DLL1: variants seen among roughly 807,000 people sequenced by gnomAD.
DLL1 encodes the protein delta like canonical Notch ligand 1.
DLL1 carries 9 observed loss-of-function variants against 75.1 expected under a neutral mutation model. The observed-to-expected ratio is 0.12, with a 90% CI of 0.07 to 0.21. The LOEUF is 0.21. Ranked by LOEUF, DLL1 falls within the 10% of genes least tolerant of loss-of-function variation. DLL1 has a pLI of 1.00. For missense variants in DLL1, 837 were observed against 1,007.6 expected (o/e 0.83, Z 2.29); for synonymous variants, 477 against 418.3 (o/e 1.14, Z -1.71).
In DLL1 at chr6:170,288,336, G is replaced by A. The variant is rs138404838; in HGVS notation, c.573C>T (p.Phe191=). The part of the protein sequence containing the change: ...EHYYGEGCSV[F]CRPRDDAFGH... ...CGAAGGCATCGTCCCGGGGACGGCA[G>A]AAAACGGAGCAGCCCTCTCCGTAGT... is the stretch of plus-strand genomic sequence containing the variant. The change falls in exon 4 of 11, where the codon TTC becomes TTT. Residue 191 remains phenylalanine, a synonymous_variant. Transcript: ENST00000366756. 1.5e-3 allele frequency: 2,461 copies of A among 1,614,102 alleles called. 4 individuals are homozygous for A. Among genetic ancestry groups the A allele is most frequent in the Non-Finnish European group, 1.8e-3 (2,137 of 1,180,050 alleles).
chr6:170,290,514 G>A lies in DLL1; in HGVS notation c.-375C>T, dbSNP rs1259604892. 3.7e-6 allele frequency: 1 copy of A among 271,308 alleles called. No homozygotes were observed. Among genetic ancestry groups the A allele is most frequent in the African/African-American group, 2.2e-5 (1 of 44,734 alleles). 16.8% of individuals were successfully genotyped at this position (271,308 alleles called of 1,614,324 possible). Reference sequence around the variant, plus strand: ...CGCAGGAGAGGGAGGGGGAGAAAGAGAAAGAGAGAGAGTCCAGAGATTGAG... The same window carrying A: ...CGCAGGAGAGGGAGGGGGAGAAAGAAAAAGAGAGAGAGTCCAGAGATTGAG... On this transcript the variant is annotated 5_prime_UTR_variant, in exon 1 of 11. Coordinates refer to ENST00000366756, the MANE Select transcript of DLL1 (RefSeq NM_005618.4). This position sits in a 1 kb window ranked among gnomAD's most constrained non-coding sequence, Gnocchi z 4.7.
intron 3 of DLL1, 68 bp downstream of exon 3, chr6:170,288,661 G>A (rs1400411571): frequency 5.6e-6 from 9 of 1,609,868 alleles, no homozygotes; most frequent in Non-Finnish European, 7.7e-6. Context: ...TTGGCTGGGG[G>A]ATGGGTGGGC....
At chr6:170,286,176 C>A (rs543657979) in intron 5 of DLL1, 62 bp downstream of exon 5, 17 of 1,604,532 alleles carry the variant, frequency 1.1e-5, no homozygotes, top group East Asian at 8.9e-5. Flanking sequence ...TACAAATACA[C>A]CAGCTGTGAA....
chr6:170,284,799 T>C (rs1412133031), intron 8 of DLL1, 120 bp downstream of exon 8: 2 of 1,040,338 alleles, frequency 1.9e-6, no homozygotes, highest in Non-Finnish European at 1.5e-6. Context: ...CGAGAATTCC[T>C]GGCGGTCTGG....
intron 5 of DLL1, 96 bp from the exon 6 acceptor site, chr6:170,285,795 G>A (rs1783684579): frequency 2.6e-6 from 4 of 1,549,820 alleles, no homozygotes; most frequent in East Asian, 2.3e-5. Context: ...CAGCACCAGT[G>A]AGCCTCTGGT....
chr6:170,290,292 A>C lies in DLL1; in HGVS notation c.-153T>G. 1.3e-6 allele frequency: 1 copy of C among 774,234 alleles called. No homozygotes were observed. Among genetic ancestry groups the C allele is most frequent in the South Asian group, 2.6e-5 (1 of 38,486 alleles). The allele number at this position is 774,234 out of a possible 1,614,324, so 48.0% of individuals were successfully genotyped here. On this transcript the variant is annotated 5_prime_UTR_variant, in exon 1 of 11. Transcript: ENST00000366756. This position sits in a 1 kb window ranked among gnomAD's most constrained non-coding sequence, Gnocchi z 4.7. ...GCAGGACCCAGGACTTCTTTCTTTA[A>C]AAGCCGGTCTCCGCCTCTTCCCAAG...
At chr6:170,286,975 G>A (rs1783715711) in intron 4 of DLL1, among the ~76,000 whole-genome samples, 1 of 152,324 alleles carries the variant, frequency 6.6e-6, no homozygotes, top group Admixed American at 6.5e-5. Context: ...ACCCTGTGGT[G>A]AAGAGAGGCA....
chr6:170,290,329 T>C lies in DLL1; in HGVS notation c.-190A>G. ...CGCCTCTTCCCAAGGCCGCGGTTCT[T>C]TATATCCGCCCTGCGAGGTCCCGCG... On this transcript the variant is annotated 5_prime_UTR_variant, in exon 1 of 11. Transcript: ENST00000366756. This position sits in a 1 kb window ranked among gnomAD's most constrained non-coding sequence, Gnocchi z 4.7. 1.9e-6 allele frequency: 1 copy of C among 521,816 alleles called. No individual in the cohort carries two copies. Among genetic ancestry groups the C allele is most frequent in the East Asian group, 3.6e-5 (1 of 28,116 alleles). The allele number at this position is 521,816 out of a possible 1,614,324, so 32.3% of individuals were successfully genotyped here.
At position 170,286,301 on chromosome 6, in the gene DLL1, A is replaced by G; in HGVS notation, c.671-3T>C. 3.1e-6 allele frequency: 5 copies of G among 1,614,196 alleles called. No individual in the cohort carries two copies. In the South Asian group the frequency reaches 5.5e-5, roughly 18 times the overall value. ...ATCACATCCAGGCAGGCAGATCGCT[A>G]CAAGCAAAGGAAAAACAGGGTCAAG... On this transcript the variant is annotated splice_region_variant and splice_polypyrimidine_tract_variant and intron_variant, in intron 4 of 10. Transcript: ENST00000366756.
In DLL1 at chr6:170,288,757, G is replaced by A; in HGVS notation, c.384C>T (p.His128=). The change falls in exon 3 of 11, where the codon CAC becomes CAT. Residue 128 remains histidine (H), a synonymous_variant. Transcript: ENST00000366756. ...GTFSLIIEAL[H]TDSPDDLATE... is the part of the protein sequence containing the mutation. ...TTGCGAGGTCATCAGGAGAATCTGT[G>A]TGGAGAGCTTCAATAATCAGAGAGA... 1 of 1,614,192 alleles carries A rather than the reference G, an allele frequency of 6.2e-7. No individual in the cohort carries two copies. Among genetic ancestry groups the A allele is most frequent in the Non-Finnish European group, 8.5e-7 (1 of 1,180,034 alleles).
chr6:170,285,796 A>G, intron 5 of DLL1, 97 bp from the exon 6 acceptor site: 1 of 1,528,666 alleles, frequency 6.5e-7, no homozygotes, highest in Non-Finnish European at 9.0e-7. Context: ...AGCACCAGTG[A>G]GCCTCTGGTT....
chr6:170,285,314 G>A lies in DLL1; in HGVS notation c.972C>T (p.Thr324=), dbSNP rs1365310984. 2 of 1,614,198 alleles carry A rather than the reference G, an allele frequency of 1.2e-6. No individual in the cohort carries two copies. The highest frequency in any genetic ancestry group is 1.7e-6 in the Non-Finnish European group (2 of 1,180,032). Residue 324 remains threonine (T), a synonymous_variant, in exon 7 of 11, where the codon ACC becomes ACT. Coordinates refer to ENST00000366756, the MANE Select transcript of DLL1 (RefSeq NM_005618.4). ...CSCRPGYTGA[T]CELGIDECDP... ...CACACTCGTCAATCCCCAGCTCGCA[G>A]GTGGCACCTGTGTACCCAGGCCGGC...
rs1346638518 is a variant in DLL1 at position 170,289,824 on chromosome 6, C to T, written c.55-16G>A. 6.4e-7 allele frequency: 1 copy of T among 1,551,060 alleles called. No individual in the cohort carries two copies. Among genetic ancestry groups the T allele is most frequent in the Non-Finnish European group, 8.7e-7 (1 of 1,147,224 alleles). On this transcript the variant is annotated splice_polypyrimidine_tract_variant and intron_variant, in intron 1 of 10. Coordinates refer to ENST00000366756, the MANE Select transcript of DLL1 (RefSeq NM_005618.4). ...AGCTCCAGACCTGCACGGGGGAGGG[C>T]GGGGGCGTGAGGACGCGGGTCCCGC...
chr6:170,289,062 G>C, intron 2 of DLL1: 2 of 594,108 alleles, frequency 3.4e-6, no homozygotes, highest in Non-Finnish European at 6.0e-6. Context: ...GAGAGAGAGA[G>C]AATGCAGGCA....
intron 4 of DLL1, 81 bp downstream of exon 4, chr6:170,288,158 C>T (rs749985950): frequency 6.2e-7 from 1 of 1,601,376 alleles, no homozygotes; most frequent in Middle Eastern, 1.7e-4. Context: ...CCCAAGCCCC[C>T]CGTGGCTCAG....
At position 170,285,303 on chromosome 6, in the gene DLL1, C is replaced by A; in HGVS notation, c.983G>T (p.Gly328Val). 1 of 1,614,172 alleles carries A rather than the reference C, an allele frequency of 6.2e-7. No homozygotes were observed. Among genetic ancestry groups the A allele is most frequent in the Non-Finnish European group, 8.5e-7 (1 of 1,180,022 alleles). The stretch of plus-strand genomic sequence containing the variant: ...AGGGCTGGGGTCACACTCGTCAATC[C>A]CCAGCTCGCAGGTGGCACCTGTGTA... ...PGYTGATCEL[G>V]IDECDPSPCK... Residue 328 changes from glycine (G) to valine (V), a missense_variant, in exon 7 of 11, where the codon GGG becomes GTG. Gly to Val is a moderately radical substitution (Grantham distance 109). Around this residue, in one of 2 missense-constraint regions of DLL1, gnomAD observed 304 missense variants for 461.9 expected, o/e 0.66. Transcript: ENST00000366756.
rs767788606 is a variant in DLL1 at position 170,282,684 on chromosome 6, G to A, written c.*190C>T. 53 of 853,176 alleles carry A rather than the reference G, an allele frequency of 6.2e-5. No homozygotes were observed. The highest frequency in any genetic ancestry group is 8.9e-5 in the Non-Finnish European group (46 of 519,704). The allele number at this position is 853,176 out of a possible 1,614,324, so 52.9% of individuals were successfully genotyped here. ...GACGTCACGGAAGGCAGTGCCGCAGGCGGCCGGGCCGCGACAGGCTGTCGG... is the reference window on the plus strand; with the variant it reads ...GACGTCACGGAAGGCAGTGCCGCAGACGGCCGGGCCGCGACAGGCTGTCGG... On this transcript the variant is annotated 3_prime_UTR_variant, in exon 11 of 11. Coordinates refer to ENST00000366756, the MANE Select transcript of DLL1 (RefSeq NM_005618.4).
At chr6:170,286,141 T>C (rs1257324528) in intron 5 of DLL1, 97 bp downstream of exon 5, 12 of 1,488,894 alleles carry the variant, frequency 8.1e-6, no homozygotes, top group African/African-American at 1.4e-5. Flanking sequence ...CTGGAGTTTT[T>C]CGAATGATCA....
At chr6:170,284,879 C>A in intron 8 of DLL1, 40 bp downstream of exon 8, 7 of 1,601,938 alleles carry the variant, frequency 4.4e-6, no homozygotes, top group Admixed American at 1.7e-5. Context: ...GTATTGACCG[C>A]TCGCCCGAGT....
Sources: allele counts gnomAD v4.1 joint callset (sites outside exome capture counted in the v4.1 genomes callset), GRCh38; gene constraint gnomAD v4.1.1; regional missense constraint gnomAD v4.1.1; non-coding constraint Gnocchi (gnomAD v3.1); transcripts MANE v1.5; gene names NCBI Gene and HGNC (gene_info 2026-07-23, HGNC 2026-07-21).